HDAC4: variants seen among roughly 807,000 people sequenced by gnomAD.
HDAC4 encodes the protein histone deacetylase 4, also known as histone deacetylase A.
HDAC4 carries 16 observed loss-of-function variants against 135.1 expected under a neutral mutation model. That is an observed-to-expected ratio of 0.12 (90% CI 0.08 to 0.18). The LOEUF is 0.18. Ranked by LOEUF, HDAC4 falls within the 10% of genes least tolerant of loss-of-function variation. HDAC4 has a pLI of 1.00. For missense variants in HDAC4, 1,143 were observed against 1,511.8 expected (o/e 0.76, Z 4.05); for synonymous variants, 685 against 653.4 (o/e 1.05, Z -0.74).
At chr2:239,328,234 A>C (rs1273082333) in intron 2 of HDAC4, among the ~76,000 whole-genome samples, 1 of 152,204 alleles carries the variant, frequency 6.6e-6, no homozygotes, top group African/African-American at 2.4e-5. Context: ...CCGGTAACCC[A>C]GGACTGTGGG....
At chr2:239,081,273 C>T (rs993403226) in intron 21 of HDAC4, 81 bp from the exon 22 acceptor site, 69 of 1,220,464 alleles carry the variant, frequency 5.7e-5, no homozygotes, top group Middle Eastern at 3.8e-4. Flanking sequence ...CAGGTGGCAC[C>T]GGGATGGGCT....
At chr2:239,238,714 A>G (rs548541746) in intron 2 of HDAC4, among the ~76,000 whole-genome samples, 2 of 152,216 alleles carry the variant, frequency 1.3e-5, no homozygotes, top group Non-Finnish European at 1.5e-5. Flanking sequence ...GAGTTCATAC[A>G]TGAGGCCTAA....
At chr2:239,187,585 G>A (rs3791551) in intron 4 of HDAC4, among the ~76,000 whole-genome samples, 41,713 of 152,072 alleles carry the variant, frequency 0.27, 6,214 homozygotes, top group East Asian at 0.47. Flanking sequence ...GAAAAACAGA[G>A]GCCAGCTGCA....
chr2:239,399,901 A>G (rs1260387270), intron 1 of HDAC4, among the ~76,000 whole-genome samples: 1 of 152,236 alleles, frequency 6.6e-6, no homozygotes. Context: ...GTCAATTTAC[A>G]ACATGCAATA....
chr2:239,163,838 G>A lies in HDAC4; in HGVS notation c.576C>T (p.Asn192=). 2 of 1,614,200 alleles carry A rather than the reference G, an allele frequency of 1.2e-6. No individual in the cohort carries two copies. The highest frequency in any genetic ancestry group is 1.7e-6 in the Non-Finnish European group (2 of 1,180,040). ...AGCGAGGGTCGCTGGAAATGCAGTG[G>A]TTCAGATTCCGGTGGGCCAGCGCCT... ...KKKALAHRNL[N]HCISSDPRYW... is the part of the protein sequence containing the mutation. The change falls in exon 6 of 27, where the codon AAC becomes AAT. Residue 192 remains asparagine, a synonymous_variant. Transcript: ENST00000543185.
chr2:239,230,463 C>T (rs2047486456), intron 3 of HDAC4, among the ~76,000 whole-genome samples: 1 of 151,640 alleles, frequency 6.6e-6, no homozygotes, highest in Non-Finnish European at 1.5e-5. Context: ...GGCAAGCTGC[C>T]GAGTCCGTGG....
chr2:239,189,779 G>C, intron 4 of HDAC4, 54 bp downstream of exon 4: 3 of 1,537,068 alleles, frequency 2.0e-6, no homozygotes, highest in African/African-American at 2.7e-5. Flanking sequence ...GGAGTCACCG[G>C]GAGTTGAGGG....
chr2:239,170,326 TA>T (rs879397383), intron 5 of HDAC4, among the ~76,000 whole-genome samples: 1 of 152,208 alleles, frequency 6.6e-6, no homozygotes, highest in African/African-American at 2.4e-5. Flanking sequence ...ACATTAAAAA[TA>T]AACTTACAAA....
rs140416146 is a variant in HDAC4, at chr2:239,160,814, G to C, written c.611+2989C>G. ...GTCGTGTTGCTTGCTTTCATGTCTT[G>C]GGCAAATACGGAGAAGCATTGCTGG... is the stretch of plus-strand genomic sequence containing the variant. On this transcript the variant is annotated intron_variant, in intron 6 of 26. Transcript: ENST00000543185. Among the ~76,000 whole-genome samples the C allele has an allele frequency of 2.1e-3, 327 of 152,334 alleles. 11 individuals are homozygous for C. The South Asian group carries it at 0.051, about 24-fold the overall frequency.
intron 24 of HDAC4, among the ~76,000 whole-genome samples, chr2:239,065,770 C>T (rs2033391744): frequency 6.6e-6 from 1 of 152,194 alleles, no homozygotes; most frequent in Non-Finnish European, 1.5e-5. Flanking sequence ...CCCTTGAGTC[C>T]CCCACGTGCC....
chr2:239,292,334 G>A (rs1163772489), intron 2 of HDAC4, among the ~76,000 whole-genome samples: 6 of 152,224 alleles, frequency 3.9e-5, no homozygotes, highest in Admixed American at 1.3e-4. Flanking sequence ...TGCTCTCTGC[G>A]TTCGAGGATA....
At chr2:239,389,494 G>A (rs369754365) in intron 1 of HDAC4, among the ~76,000 whole-genome samples, 25 of 152,210 alleles carry the variant, frequency 1.6e-4, no homozygotes, top group African/African-American at 2.4e-4. Context: ...AACACTCACC[G>A]CAAAGGTCTG....
intron 2 of HDAC4, among the ~76,000 whole-genome samples, chr2:239,244,455 G>A (rs377082248): frequency 8.5e-5 from 13 of 152,096 alleles, no homozygotes; most frequent in African/African-American, 3.1e-4. Context: ...TCCACACGGC[G>A]TGTGAGTCAA....
intron 2 of HDAC4, among the ~76,000 whole-genome samples, chr2:239,326,620 A>G (rs1179512244): frequency 6.6e-6 from 1 of 152,260 alleles, no homozygotes; most frequent in Non-Finnish European, 1.5e-5. Flanking sequence ...AGAATTAAAA[A>G]GAAATATGTT....
chr2:239,380,119 G>A (rs776416846), intron 1 of HDAC4, among the ~76,000 whole-genome samples: 2 of 152,208 alleles, frequency 1.3e-5, no homozygotes, highest in Non-Finnish European at 1.5e-5. Flanking sequence ...GAGCCAAGAG[G>A]GCCCTCATGA....
intron 1 of HDAC4, among the ~76,000 whole-genome samples, chr2:239,360,654 G>A (rs988686137): frequency 4.6e-5 from 7 of 152,174 alleles, no homozygotes; most frequent in Non-Finnish European, 8.8e-5. Context: ...GCTCCACCTG[G>A]TCCCTTAGGA....
chr2:239,100,511 C>T (rs899409544), intron 16 of HDAC4, among the ~76,000 whole-genome samples: 8 of 152,212 alleles, frequency 5.3e-5, no homozygotes, highest in African/African-American at 1.7e-4. Context: ...GTGCCTCACA[C>T]TGTCTGCCCC....
At chr2:239,078,066 C>T (rs541715092) in intron 22 of HDAC4, among the ~76,000 whole-genome samples, 30 of 152,166 alleles carry the variant, frequency 2.0e-4, no homozygotes, top group Admixed American at 1.6e-3. Context: ...TCATCCCTGA[C>T]GGAAGAGTCC....
rs2041760458 is a variant in HDAC4, at chr2:239,146,354, G to A, written c.734-1640C>T. On this transcript the variant is annotated intron_variant, in intron 7 of 26. Coordinates refer to ENST00000543185, the MANE Select transcript of HDAC4 (RefSeq NM_001378414.1). The surrounding 1 kb of genome is among the most constrained non-coding windows in gnomAD (Gnocchi z 4.5). ...GGCTCTGCAGGGATTCCCCGGGCCTGGGACAGGAGCCACTTCTGAGAGGCA... is the reference window on the plus strand; with the variant it reads ...GGCTCTGCAGGGATTCCCCGGGCCTAGGACAGGAGCCACTTCTGAGAGGCA... Among the ~76,000 whole-genome samples the A allele has an allele frequency of 6.6e-6, 1 of 152,362 alleles. No homozygotes were observed. The highest frequency in any genetic ancestry group is 2.4e-5 in the African/African-American group (1 of 41,586).
Sources: allele counts gnomAD v4.1 joint callset (sites outside exome capture counted in the v4.1 genomes callset), GRCh38; gene constraint gnomAD v4.1.1; non-coding constraint Gnocchi (gnomAD v3.1); transcripts MANE v1.5; gene names NCBI Gene and HGNC (gene_info 2026-07-23, HGNC 2026-07-21).